The following MSH4 variants were observed in gnomAD, a reference collection of about 807,000 sequenced individuals.
MSH4 encodes mutS homolog 4, also known as mutS protein homolog 4.
In MSH4, 106 loss-of-function variants were observed where a neutral mutation model predicts 113.7. The ratio of observed to expected loss-of-function variants is 0.93; its 90% CI spans 0.80 to 1.10. MSH4 has a LOEUF of 1.10. MSH4 is among the 50% of genes least tolerant of loss of function. The pLI, the probability that MSH4 is intolerant of heterozygous loss-of-function variation, is 0.00. For synonymous variants in MSH4, 368 were observed against 380.2 expected, an observed-to-expected ratio of 0.97 and a Z score of 0.37; for missense variants, 1,061 against 1,093.7, an observed-to-expected ratio of 0.97 and a Z score of 0.42.
chr1:75,862,273 A>G (rs7547508), intron 8 of MSH4, among the ~76,000 whole-genome samples: 114,586 of 152,158 alleles, frequency 0.75, 43,296 homozygotes, highest in East Asian at 0.98. Flanking sequence ...GTTTCGGCTC[A>G]CCCTCCGTGG....
chr1:75,844,272 C>T (rs548807726), intron 7 of MSH4, among the ~76,000 whole-genome samples: 1 of 152,238 alleles, frequency 6.6e-6, no homozygotes, highest in Admixed American at 6.5e-5. Flanking sequence ...GAAATAAGTA[C>T]ATTTTAAAAC....
chr1:75,872,290 G>GT (rs1344652610), intron 9 of MSH4, among the ~76,000 whole-genome samples: 16 of 152,018 alleles, frequency 1.1e-4, no homozygotes, highest in Non-Finnish European at 2.9e-5. Context: ...GTGCATTACT[G>GT]TTTTTTTGCT....
At position 75,841,455 on chromosome 1, in the gene MSH4, C is replaced by T. The variant is rs575980639; in HGVS notation, c.1163-6754C>T. Among the ~76,000 whole-genome samples, 3 of 152,130 alleles carry T rather than the reference C, an allele frequency of 2.0e-5. No homozygotes were observed. The South Asian group carries it at 6.2e-4, about 32-fold the overall frequency. On this transcript the variant is annotated intron_variant, in intron 7 of 19. Transcript: ENST00000263187. ...TCAAGCAATCCTCTCATCTCAACCT[C>T]CCAAAGTGCTGGGATTGCAGGCACA... is the stretch of plus-strand genomic sequence containing the variant.
At chr1:75,825,056 G>GT (rs748774076) in intron 7 of MSH4, among the ~76,000 whole-genome samples, 4 of 152,040 alleles carry the variant, frequency 2.6e-5, no homozygotes, top group Non-Finnish European at 4.4e-5. Context: ...ACTTTGGGCA[G>GT]TATGGCCATT....
intron 8 of MSH4, among the ~76,000 whole-genome samples, chr1:75,857,874 G>T (rs757449548): frequency 2.0e-5 from 3 of 152,080 alleles, no homozygotes; most frequent in Non-Finnish European, 4.4e-5. Context: ...CTTTTTTCAC[G>T]ATATTGATTC....
At chr1:75,809,087 G>A (rs1174895566) in intron 3 of MSH4, among the ~76,000 whole-genome samples, 3 of 151,986 alleles carry the variant, frequency 2.0e-5, no homozygotes, top group Non-Finnish European at 4.4e-5. Context: ...TTTTTGTATA[G>A]ATGGGGTCTT....
chr1:75,896,961 T>G (rs572057231), intron 17 of MSH4, among the ~76,000 whole-genome samples: 1 of 152,332 alleles, frequency 6.6e-6, no homozygotes, highest in East Asian at 1.9e-4. Flanking sequence ...AATTTTCATT[T>G]TTCTGTCATA....
chr1:75,867,699 C>T, intron 9 of MSH4, 111 bp downstream of exon 9: 1 of 686,346 alleles, frequency 1.5e-6, no homozygotes, highest in Non-Finnish European at 2.5e-6. Flanking sequence ...GCGAATTTCC[C>T]ATATTTTTTT....
At chr1:75,911,879 C>A (rs1000560960) in intron 19 of MSH4, among the ~76,000 whole-genome samples, 1 of 151,962 alleles carries the variant, frequency 6.6e-6, no homozygotes, top group Admixed American at 6.6e-5. Flanking sequence ...GGGAAACTCA[C>A]TAAGACTTTC....
intron 13 of MSH4, 72 bp from the exon 14 acceptor site, chr1:75,881,174 A>G: frequency 8.4e-7 from 1 of 1,195,910 alleles, no homozygotes; most frequent in Non-Finnish European, 1.2e-6. Context: ...TGAATTTAAT[A>G]TTATTTTACG....
At chr1:75,866,260 C>T (rs1390955444) in intron 8 of MSH4, among the ~76,000 whole-genome samples, 1 of 152,044 alleles carries the variant, frequency 6.6e-6, no homozygotes, top group Non-Finnish European at 1.5e-5. Flanking sequence ...CTCCTGGGCT[C>T]AAGTGATCCT....
At chr1:75,867,609 G>A (rs779970850) in intron 9 of MSH4, 21 bp downstream of exon 9, 95 of 1,407,864 alleles carry the variant, frequency 6.7e-5, no homozygotes, top group Middle Eastern at 5.4e-4. Context: ...TGTGTGTATC[G>A]TACAAAACAT....
In MSH4 at chr1:75,878,178, C is replaced by T. The variant is rs756243879; in HGVS notation, c.1400C>T (p.Thr467Ile). ...RFGIILEKIKTVINDDARYMK... is the reference protein window; with the variant it reads ...RFGIILEKIKIVINDDARYMK... Reference sequence around the variant, plus strand: ...GGAATCATACTTGAAAAGATTAAAACAGTAATTAATGATGATGCAAGATAC... The same window carrying T: ...GGAATCATACTTGAAAAGATTAAAATAGTAATTAATGATGATGCAAGATAC... The change falls in exon 11 of 20, where the codon ACA becomes ATA. Residue 467 changes from threonine to isoleucine, a missense_variant. Coordinates refer to ENST00000263187, the MANE Select transcript of MSH4 (RefSeq NM_002440.4). 4 of 1,604,062 alleles carry T rather than the reference C, an allele frequency of 2.5e-6. No individual in the cohort carries two copies. Among genetic ancestry groups the T allele is most frequent in the Admixed American group, 3.5e-5 (2 of 57,384 alleles).
At chr1:75,838,163 A>G (rs146161086) in intron 7 of MSH4, among the ~76,000 whole-genome samples, 206 of 152,298 alleles carry the variant, frequency 1.4e-3, no homozygotes, top group African/African-American at 4.8e-3. Context: ...CAGCAGGTCT[A>G]CATTTTTCCA....
intron 9 of MSH4, among the ~76,000 whole-genome samples, chr1:75,875,006 C>T (rs558186693): frequency 6.6e-6 from 1 of 152,310 alleles, no homozygotes; most frequent in South Asian, 2.1e-4. Flanking sequence ...CATCCTCCCA[C>T]CTCAGCCTCC....
intron 8 of MSH4, among the ~76,000 whole-genome samples, chr1:75,852,044 C>A (rs968671844): frequency 6.6e-6 from 1 of 152,134 alleles, no homozygotes; most frequent in East Asian, 1.9e-4. Context: ...TTCTAACCCC[C>A]GTTTCCCCAG....
At chr1:75,873,633 A>G (rs966312611) in intron 9 of MSH4, among the ~76,000 whole-genome samples, 3 of 151,442 alleles carry the variant, frequency 2.0e-5, no homozygotes, top group Admixed American at 6.6e-5. Context: ...TCATCGTTTA[A>G]CTCCCACTTT....
chr1:75,878,510 A>G (rs949514046), intron 11 of MSH4, among the ~76,000 whole-genome samples, 192 bp downstream of exon 11: 1 of 152,170 alleles, frequency 6.6e-6, no homozygotes, highest in African/African-American at 2.4e-5. Flanking sequence ...ACTCCTTTTG[A>G]AAACCTTCCA....
rs33965683 is a variant in MSH4 at position 75,822,288 on chromosome 1, C to CAAA, written c.990-105_990-103dup. On this transcript the variant is annotated intron_variant, in intron 6 of 19. Coordinates refer to ENST00000263187, the MANE Select transcript of MSH4 (RefSeq NM_002440.4). ...TGGGAGAGAGAGCGAGACTCTGTTT[C>CAAA]AAAAAAAAAAAAAAAAAAGAATCAT... 691 of 386,610 alleles carry CAAA rather than the reference C, an allele frequency of 1.8e-3. 1 individual carries two copies. The highest frequency in any genetic ancestry group is 3.2e-3 in the Middle Eastern group (4 of 1,244). The allele number at this position is 386,610 out of a possible 1,614,324, so 23.9% of individuals were successfully genotyped here.
Sources: gnomAD v4.1 joint callset for allele counts (sites outside exome capture counted in the v4.1 genomes callset) on GRCh38, gnomAD v4.1.1 for gene constraint, MANE v1.5 for transcripts, NCBI Gene and HGNC (gene_info 2026-07-23, HGNC 2026-07-21) for gene names.